LIPA: variants seen among roughly 807,000 people sequenced by gnomAD.
LIPA encodes the protein lysosomal acid lipase/cholesteryl ester hydrolase.
Under a neutral mutation model 40.6 loss-of-function variants are expected in LIPA, and 26 were observed. That is an observed-to-expected ratio of 0.64 (90% CI 0.47 to 0.89). The LOEUF (loss-of-function observed/expected upper bound fraction) is 0.89, where lower values mean the gene tolerates loss of function less well. Ranked by LOEUF, LIPA falls within the 40% of genes least tolerant of loss-of-function variation. The pLI, the probability that LIPA is intolerant of heterozygous loss-of-function variation, is 0.00. For synonymous variants in LIPA, 188 were observed against 168.4 expected (o/e 1.12, Z -0.90); for missense variants, 455 against 479.6 (o/e 0.95, Z 0.48).
At chr10:89,389,493 C>T (rs1472369992) in intron 2 of LIPA, among the ~76,000 whole-genome samples, 1 of 152,124 alleles carries the variant, frequency 6.6e-6, no homozygotes, top group South Asian at 2.1e-4. Context: ...AAGAAATCAG[C>T]TTTTCATTAG....
At chr10:89,291,685 G>A (rs1843375986) in intron 1 of LIPA, among the ~76,000 whole-genome samples, 1 of 152,186 alleles carries the variant, frequency 6.6e-6, no homozygotes, top group South Asian at 2.1e-4. Flanking sequence ...GCTCCCCTGG[G>A]AAAGGTCCCA....
upstream of LIPA, among the ~76,000 whole-genome samples, chr10:89,345,818 G>A (rs998649821): frequency 3.9e-5 from 6 of 152,152 alleles, no homozygotes; most frequent in African/African-American, 1.4e-4. Context: ...ACAAAGTGAG[G>A]AAGTTAAAAT....
intron 2 of LIPA, among the ~76,000 whole-genome samples, chr10:89,410,283 G>C (rs1445716526): frequency 6.6e-6 from 1 of 152,210 alleles, no homozygotes. Context: ...TGCCTACTTA[G>C]ATACCAGGTG....
At chr10:89,282,621 CAA>C (rs1384920015) in intron 1 of LIPA, among the ~76,000 whole-genome samples, 1 of 151,660 alleles carries the variant, frequency 6.6e-6, no homozygotes, top group Non-Finnish European at 1.5e-5. Flanking sequence ...GCCTGGGTAA[CAA>C]GAGCGAAACT....
At chr10:89,303,290 C>T (rs945415018) in intron 1 of LIPA, among the ~76,000 whole-genome samples, 1 of 152,206 alleles carries the variant, frequency 6.6e-6, no homozygotes, top group Non-Finnish European at 1.5e-5. Flanking sequence ...CTAGGGTTGA[C>T]TCCCCAGAGA....
At chr10:89,331,304 TG>T (rs1160101887) in intron 1 of LIPA, among the ~76,000 whole-genome samples, 3 of 152,120 alleles carry the variant, frequency 2.0e-5, no homozygotes, top group Non-Finnish European at 4.4e-5. Flanking sequence ...CCCAAGTAGC[TG>T]GGACTATAGG....
At chr10:89,248,396 C>T (rs1371149715) in intron 1 of LIPA, among the ~76,000 whole-genome samples, 8 of 149,564 alleles carry the variant, frequency 5.3e-5, no homozygotes, top group African/African-American at 7.4e-5. Flanking sequence ...GACTTCGTGA[C>T]CTGCCCGCCT....
chr10:89,295,020 T>TGAAATGAAAG lies in LIPA; in HGVS notation c.-1-47372_-1-47371insCTTTCATTTC, dbSNP rs1843404448. Among the ~76,000 whole-genome samples, 734 of 106,646 alleles carry TGAAATGAAAG rather than the reference T, an allele frequency of 6.9e-3. 3 individuals carry two copies. The highest frequency in any genetic ancestry group is 0.011 in the Admixed American group (96 of 9,018). 70.0% of individuals were successfully genotyped at this position (106,646 alleles called of 152,430 possible). On this transcript the variant is annotated intron_variant, in intron 1 of 5. Coordinates refer to the LIPA transcript ENST00000282673. ...AAGGAAGAAAGGAAAGGAAATGAAA[T>TGAAATGAAAG]GAAAGGAAAGGAAAGGAAAGGAAAG...
intron 1 of LIPA, among the ~76,000 whole-genome samples, chr10:89,341,228 G>A (rs905239862): frequency 6.6e-6 from 1 of 152,190 alleles, no homozygotes; most frequent in African/African-American, 2.4e-5. Context: ...CTGTAGACAG[G>A]GTTGCTGTAA....
intron 1 of LIPA, among the ~76,000 whole-genome samples, chr10:89,270,161 A>G (rs1462659935): frequency 6.6e-6 from 1 of 152,228 alleles, no homozygotes; most frequent in Non-Finnish European, 1.5e-5. Flanking sequence ...GTGCCACAAT[A>G]TATTTGACAA....
chr10:89,403,883 T>C (rs1844485307), intron 2 of LIPA: 2 of 558,668 alleles, frequency 3.6e-6, no homozygotes, highest in South Asian at 2.6e-5. Flanking sequence ...TGAAACAGAA[T>C]GTGTGTATGC....
chr10:89,246,712 T>A (rs749780515), intron 2 of LIPA, among the ~76,000 whole-genome samples: 1 of 152,210 alleles, frequency 6.6e-6, no homozygotes, highest in Non-Finnish European at 1.5e-5. Flanking sequence ...TATTTCCAGA[T>A]TTTATTGTTT....
intron 1 of LIPA, among the ~76,000 whole-genome samples, chr10:89,251,074 T>C (rs962217345): frequency 1.3e-5 from 2 of 152,244 alleles, no homozygotes; most frequent in Non-Finnish European, 2.9e-5. Flanking sequence ...CGCAGCATGC[T>C]ATTTAACTTT....
intron 1 of LIPA, among the ~76,000 whole-genome samples, chr10:89,293,023 C>T (rs1843385113): frequency 6.6e-6 from 1 of 152,042 alleles, no homozygotes; most frequent in Non-Finnish European, 1.5e-5. Flanking sequence ...GTGTCCCCAC[C>T]CAAATCTCAT....
chr10:89,339,897 A>G, intron 1 of LIPA: 1 of 1,614,174 alleles, frequency 6.2e-7, no homozygotes, highest in Non-Finnish European at 8.5e-7. Context: ...CACAAAATGC[A>G]CCAAATTATT....
At chr10:89,303,651 A>G (rs1306280721) in intron 1 of LIPA, among the ~76,000 whole-genome samples, 1 of 152,252 alleles carries the variant, frequency 6.6e-6, no homozygotes, top group Non-Finnish European at 1.5e-5. Context: ...TATATTAAAT[A>G]TCTCTATCCT....
chr10:89,218,606 CAA>C (rs1453545550), intron 8 of LIPA, among the ~76,000 whole-genome samples: 2 of 152,188 alleles, frequency 1.3e-5, no homozygotes, highest in Admixed American at 6.5e-5. Flanking sequence ...CTCCTTCGCA[CAA>C]AGTCACTTGC....
intron 2 of LIPA, chr10:89,405,343 A>G (rs1844512992): frequency 1.3e-5 from 2 of 152,242 alleles, no homozygotes; most frequent in Non-Finnish European, 2.9e-5. Context: ...ATTATGAATA[A>G]TCATATTTTA....
intron 8 of LIPA, among the ~76,000 whole-genome samples, chr10:89,217,732 TG>T (rs1842645511): frequency 6.6e-6 from 1 of 152,214 alleles, no homozygotes; most frequent in Non-Finnish European, 1.5e-5. Context: ...AACAATCCCT[TG>T]TAGTATATCA....
Sources: allele counts gnomAD v4.1 joint callset (sites outside exome capture counted in the v4.1 genomes callset), GRCh38; gene constraint gnomAD v4.1.1; transcripts MANE v1.5; gene names NCBI Gene and HGNC (gene_info 2026-07-23, HGNC 2026-07-21).